Variants in FAM114A2 observed in about 807,000 individuals in gnomAD.
FAM114A2 encodes the protein family with sequence similarity 114 member A2.
Under a neutral mutation model 58.4 loss-of-function variants are expected in FAM114A2, and 53 were observed. The ratio of observed to expected loss-of-function variants is 0.91; its 90% confidence interval spans 0.73 to 1.14. The LOEUF (loss-of-function observed/expected upper bound fraction) is 1.14. FAM114A2 is among the 50% of genes most tolerant of loss of function. The probability of loss-of-function intolerance (pLI) is 0.00; values close to 1 mark genes in which losing one functional copy is unlikely to be tolerated. For synonymous variants in FAM114A2, 228 were observed against 211.4 expected (o/e 1.08, Z -0.68); for missense variants, 601 against 581.1 (o/e 1.03, Z -0.35).
intron 9 of FAM114A2, among the ~76,000 whole-genome samples, chr5:154,006,396 A>G (rs900127240): frequency 5.1e-4 from 77 of 152,334 alleles, no homozygotes; most frequent in African/African-American, 1.8e-3. Flanking sequence ...GTGGTCAGGA[A>G]GGGTCTCTGA....
At chr5:154,036,361 T>G (rs947015480) in intron 1 of FAM114A2, 1 of 152,144 alleles carries the variant, frequency 6.6e-6, no homozygotes, top group Non-Finnish European at 1.5e-5. Flanking sequence ...CTTTGGCAAT[T>G]AAAGCCAAGA....
intron 8 of FAM114A2, among the ~76,000 whole-genome samples, chr5:154,013,000 A>G (rs1217122768): frequency 6.6e-6 from 1 of 151,244 alleles, no homozygotes; most frequent in Admixed American, 6.6e-5. Flanking sequence ...CATATAATTT[A>G]TATAATTTAC....
At chr5:154,021,310 G>C (rs1771405680) in intron 8 of FAM114A2, among the ~76,000 whole-genome samples, 1 of 152,148 alleles carries the variant, frequency 6.6e-6, no homozygotes. Context: ...ACTCAGGCAA[G>C]AGAAAGAAAT....
intron 5 of FAM114A2, among the ~76,000 whole-genome samples, chr5:154,028,577 T>C (rs1307648464): frequency 2.6e-5 from 4 of 152,202 alleles, no homozygotes; most frequent in Non-Finnish European, 4.4e-5. Flanking sequence ...AAAATGTTCA[T>C]AACAGCTCTG....
chr5:153,997,405 T>A (rs1211654685), intron 12 of FAM114A2, among the ~76,000 whole-genome samples: 1 of 152,202 alleles, frequency 6.6e-6, no homozygotes, highest in East Asian at 1.9e-4. Flanking sequence ...ATAAGACAGA[T>A]TTTTTGGTAA....
intron 8 of FAM114A2, 81 bp downstream of exon 8, chr5:154,026,318 T>A: frequency 9.4e-7 from 1 of 1,063,650 alleles, no homozygotes; most frequent in Non-Finnish European, 1.3e-6. Flanking sequence ...GTAATAAGAG[T>A]AAATAATTTA....
At chr5:154,018,070 A>T (rs779032951) in intron 8 of FAM114A2, among the ~76,000 whole-genome samples, 5 of 152,202 alleles carry the variant, frequency 3.3e-5, no homozygotes, top group Non-Finnish European at 5.9e-5. Flanking sequence ...CAAGATCAGA[A>T]CAGAACTAAA....
rs1561545384 is a variant in FAM114A2, at chr5:154,002,978, G to C, written c.994-9C>G. ...TGGGCGGTATTTCTTGCCTAAATAAGAAAAATATTGGCCATCAACAATTCA... is the reference window on the plus strand; with the variant it reads ...TGGGCGGTATTTCTTGCCTAAATAACAAAAATATTGGCCATCAACAATTCA... On this transcript the variant is annotated splice_polypyrimidine_tract_variant and intron_variant, in intron 9 of 13. Transcript: ENST00000351797. 6.2e-7 allele frequency: 1 copy of C among 1,612,786 alleles called. No individual in the cohort carries two copies. Among genetic ancestry groups the C allele is most frequent in the South Asian group, 1.1e-5 (1 of 90,890 alleles).
rs184643444 is a variant in FAM114A2 at position 154,038,085 on chromosome 5, A to G, written c.-15+772T>C. Among the ~76,000 whole-genome samples, 3 of 152,038 alleles carry G rather than the reference A, an allele frequency of 2.0e-5. No individual in the cohort carries two copies. In the East Asian group the frequency reaches 5.8e-4, roughly 29 times the overall value. Reference sequence around the variant, plus strand: ...CCAAGTACGTGGAACTGCACTATTTAGTGTTTTTGTAAGTCTTCCAGGCAT... The same window carrying G: ...CCAAGTACGTGGAACTGCACTATTTGGTGTTTTTGTAAGTCTTCCAGGCAT... On this transcript the variant is annotated intron_variant, in intron 1 of 13. Transcript: ENST00000351797.
chr5:154,028,821 A>G (rs1771979410), intron 5 of FAM114A2, among the ~76,000 whole-genome samples: 1 of 152,182 alleles, frequency 6.6e-6, no homozygotes. Context: ...TGATGGTGGA[A>G]GTCAGGATTA....
At chr5:154,019,637 A>G (rs1293944614) in intron 8 of FAM114A2, among the ~76,000 whole-genome samples, 1 of 152,220 alleles carries the variant, frequency 6.6e-6, no homozygotes, top group Non-Finnish European at 1.5e-5. Context: ...AAACTATACT[A>G]TAAGACCATA....
chr5:153,998,334 T>C (rs1046206785), intron 11 of FAM114A2, among the ~76,000 whole-genome samples: 5 of 152,212 alleles, frequency 3.3e-5, no homozygotes, highest in African/African-American at 1.2e-4. Flanking sequence ...TAATGGCCCC[T>C]GCTATGGTTT....
At chr5:154,028,375 TAAC>T in intron 5 of FAM114A2, 92 bp from the exon 6 acceptor site, 1 of 862,358 alleles carries the variant, frequency 1.2e-6, no homozygotes. Context: ...AAATAGTGGC[TAAC>T]AATACCAAGC....
chr5:154,036,859 T>A (rs1772594896), intron 1 of FAM114A2: 2 of 152,148 alleles, frequency 1.3e-5, no homozygotes, highest in Non-Finnish European at 2.9e-5. Context: ...AGACTTCATA[T>A]AAAAATATAG....
chr5:154,008,879 T>C (rs1325393860), intron 9 of FAM114A2, among the ~76,000 whole-genome samples: 2 of 152,182 alleles, frequency 1.3e-5, no homozygotes, highest in East Asian at 3.8e-4. Flanking sequence ...AGGTTCCTAC[T>C]GTAGAAGGGA....
chr5:153,995,783 T>A (rs1448256410), intron 12 of FAM114A2, among the ~76,000 whole-genome samples: 1 of 152,218 alleles, frequency 6.6e-6, no homozygotes, highest in African/African-American at 2.4e-5. Context: ...CACATCTTCA[T>A]AAATTTTTAC....
At chr5:154,035,015 T>C (rs1772458242) in intron 1 of FAM114A2, 48 bp from the exon 2 acceptor site, 1 of 1,187,098 alleles carries the variant, frequency 8.4e-7, no homozygotes, top group Admixed American at 2.2e-5. Flanking sequence ...TTCTTTGGTA[T>C]AAAGTATTTG....
chr5:154,002,919 T>C lies in FAM114A2; in HGVS notation c.1044A>G (p.Leu348=). Residue 348 remains leucine, a synonymous_variant, in exon 10 of 14, where the codon TTA becomes TTG. Transcript: ENST00000351797. Reference sequence around the variant, plus strand: ...GTTTTTCTCCTTCTTCATTCTCTGCTAATGGCTTGGTCAGAGACTTCCTGA... The same window carrying C: ...GTTTTTCTCCTTCTTCATTCTCTGCCAATGGCTTGGTCAGAGACTTCCTGA... ...EWIRKSLTKP[L]AENEEGEKQS... 1 of 1,613,746 alleles carries C rather than the reference T, an allele frequency of 6.2e-7. No individual in the cohort carries two copies. Among genetic ancestry groups the C allele is most frequent in the Non-Finnish European group, 8.5e-7 (1 of 1,179,630 alleles).
chr5:154,006,621 T>C (rs1384324651), intron 9 of FAM114A2, among the ~76,000 whole-genome samples: 1 of 152,060 alleles, frequency 6.6e-6, no homozygotes, highest in Non-Finnish European at 1.5e-5. Flanking sequence ...GAAAGAATCA[T>C]AACAGTTGAC....
Sources: allele counts gnomAD v4.1 joint callset (sites outside exome capture counted in the v4.1 genomes callset), GRCh38; gene constraint gnomAD v4.1.1; transcripts MANE v1.5; gene names NCBI Gene and HGNC (gene_info 2026-07-23, HGNC 2026-07-21).